The following B3GALT1 variants were observed in gnomAD, a reference collection of about 807,000 sequenced individuals.
B3GALT1 encodes the protein UDP-Gal:betaGlcNAc beta 1,3-galactosyltransferase, polypeptide 1.
In B3GALT1, 10 loss-of-function variants were observed where a neutral mutation model predicts 23.2. That is an observed-to-expected ratio of 0.43 (90% CI 0.27 to 0.73). The LOEUF (loss-of-function observed/expected upper bound fraction) is 0.73, where lower values mean the gene tolerates loss of function less well. B3GALT1 is among the 30% of genes least tolerant of loss of function. The probability of loss-of-function intolerance (pLI) is 0.21; values close to 1 mark genes in which losing one functional copy is unlikely to be tolerated. For missense variants in B3GALT1, 299 were observed against 405.4 expected, an observed-to-expected ratio of 0.74 and a Z score of 2.25; for synonymous variants, 156 against 141.5, an observed-to-expected ratio of 1.10 and a Z score of -0.73.
intron 4 of B3GALT1, among the ~76,000 whole-genome samples, chr2:167,836,352 G>A (rs1289466772): frequency 1.5e-4 from 23 of 152,268 alleles, no homozygotes; most frequent in Middle Eastern, 3.4e-3. Context: ...GGAGCTGAAA[G>A]CCAAGGCTCG....
At chr2:167,731,631 T>C (rs1558962029) in intron 3 of B3GALT1, among the ~76,000 whole-genome samples, 1 of 152,220 alleles carries the variant, frequency 6.6e-6, no homozygotes, top group Non-Finnish European at 1.5e-5. Flanking sequence ...CATTTGATTA[T>C]TTTCTAGGGC....
At chr2:167,635,665 A>G (rs906089988) in intron 2 of B3GALT1, among the ~76,000 whole-genome samples, 1 of 152,142 alleles carries the variant, frequency 6.6e-6, no homozygotes. Flanking sequence ...TTTAAGGAGA[A>G]CTACAAACCA....
intron 1 of B3GALT1, among the ~76,000 whole-genome samples, chr2:167,425,783 A>T (rs1574073699): frequency 6.6e-6 from 1 of 152,322 alleles, no homozygotes; most frequent in African/African-American, 2.4e-5. Context: ...TACATGACTT[A>T]TACACTAATT....
intron 3 of B3GALT1, among the ~76,000 whole-genome samples, chr2:167,727,916 AT>A (rs770278234): frequency 0.21 from 31,575 of 152,176 alleles, 3,693 homozygotes; most frequent in East Asian, 0.31. Flanking sequence ...GAAGCTTTTG[AT>A]ACATTGGTGT....
At chr2:167,423,847 G>A (rs1465284460) in intron 1 of B3GALT1, among the ~76,000 whole-genome samples, 1 of 152,122 alleles carries the variant, frequency 6.6e-6, no homozygotes, top group African/African-American at 2.4e-5. Flanking sequence ...AAAGCAAGGA[G>A]GTTTCTCTTT....
chr2:167,442,096 T>C (rs2105313704), intron 1 of B3GALT1, among the ~76,000 whole-genome samples: 1 of 151,690 alleles, frequency 6.6e-6, no homozygotes, highest in Middle Eastern at 3.4e-3. Flanking sequence ...GATCTCATTG[T>C]TCAATTCCCA....
chr2:167,727,148 G>T (rs1255315136), intron 3 of B3GALT1, among the ~76,000 whole-genome samples: 1 of 150,778 alleles, frequency 6.6e-6, no homozygotes, highest in East Asian at 1.9e-4. Context: ...ACAGAGCCCC[G>T]TAGCCAAAAC....
intron 2 of B3GALT1, among the ~76,000 whole-genome samples, chr2:167,526,925 A>G (rs1294276619): frequency 6.6e-6 from 1 of 152,156 alleles, no homozygotes; most frequent in Admixed American, 6.6e-5. Flanking sequence ...ATGACTACGT[A>G]TTTGAATGCA....
At chr2:167,371,851 G>C (rs1157967283) in intron 1 of B3GALT1, among the ~76,000 whole-genome samples, 1 of 151,726 alleles carries the variant, frequency 6.6e-6, no homozygotes, top group East Asian at 1.9e-4. Context: ...TTTAATCAGA[G>C]GTAAAATTTT....
intron 1 of B3GALT1, among the ~76,000 whole-genome samples, chr2:167,404,813 G>A (rs1340109642): frequency 6.6e-6 from 1 of 152,162 alleles, no homozygotes; most frequent in East Asian, 1.9e-4. Context: ...CTGGCACTCT[G>A]TGCGTGTATT....
rs190353904 is a variant in B3GALT1 at position 167,410,358 on chromosome 2, G to A, written c.-510-79819G>A. Among the ~76,000 whole-genome samples the A allele has an allele frequency of 7.7e-4, 117 of 152,188 alleles. 1 individual carries two copies. Among genetic ancestry groups the A allele is most frequent in the African/African-American group, 2.7e-3 (114 of 41,532 alleles). On this transcript the variant is annotated intron_variant, in intron 1 of 4. Transcript: ENST00000392690. ...TACAAAAAATGAGACAGGCGCAGTG[G>A]CAGACGCCTGTAGTCACAGCTACTC...
intron 2 of B3GALT1, among the ~76,000 whole-genome samples, chr2:167,551,747 C>T (rs1489311452): frequency 6.6e-6 from 1 of 151,994 alleles, no homozygotes; most frequent in Admixed American, 6.6e-5. Context: ...CTTAAATTCA[C>T]ACAGAGGCAC....
intron 2 of B3GALT1, among the ~76,000 whole-genome samples, chr2:167,522,630 G>C (rs1176473899): frequency 1.3e-5 from 2 of 152,192 alleles, no homozygotes; most frequent in South Asian, 4.2e-4. Flanking sequence ...AAAATACACT[G>C]CTAATTAGCA....
chr2:167,794,126 G>T (rs763186438), intron 3 of B3GALT1, among the ~76,000 whole-genome samples: 1 of 152,184 alleles, frequency 6.6e-6, no homozygotes, highest in Non-Finnish European at 1.5e-5. Context: ...CCTCTGAGCC[G>T]TTCTCACATT....
At chr2:167,670,256 A>T (rs1051111026) in intron 3 of B3GALT1, among the ~76,000 whole-genome samples, 1 of 152,212 alleles carries the variant, frequency 6.6e-6, no homozygotes, top group East Asian at 1.9e-4. Context: ...ACAGGAGGCT[A>T]TCAGCCCCAC....
chr2:167,376,659 T>C (rs1369991796), intron 1 of B3GALT1, among the ~76,000 whole-genome samples: 1 of 152,150 alleles, frequency 6.6e-6, no homozygotes, highest in Non-Finnish European at 1.5e-5. Flanking sequence ...TGAGGATCTT[T>C]TGAGTTTCTG....
intron 4 of B3GALT1, among the ~76,000 whole-genome samples, chr2:167,821,165 T>C (rs997887120): frequency 2.6e-5 from 4 of 152,218 alleles, no homozygotes; most frequent in African/African-American, 9.7e-5. Context: ...ACTTTGCAAT[T>C]GAATCATATG....
intron 3 of B3GALT1, among the ~76,000 whole-genome samples, chr2:167,647,587 T>C (rs1439819958): frequency 1.3e-5 from 2 of 152,172 alleles, no homozygotes; most frequent in African/African-American, 4.8e-5. Context: ...TTCAAATCTG[T>C]ATTTTCTGAC....
chr2:167,835,120 T>G (rs1050766169), intron 4 of B3GALT1, among the ~76,000 whole-genome samples: 6 of 152,240 alleles, frequency 3.9e-5, no homozygotes, highest in Admixed American at 3.9e-4. Flanking sequence ...AGACGGGTGA[T>G]TTCTGCATTT....
Sources: gnomAD v4.1 joint callset for allele counts (sites outside exome capture counted in the v4.1 genomes callset) on GRCh38, gnomAD v4.1.1 for gene constraint, MANE v1.5 for transcripts, NCBI Gene and HGNC (gene_info 2026-07-23, HGNC 2026-07-21) for gene names.